Variants in DNAL1 observed in about 807,000 individuals in gnomAD.
DNAL1 encodes the protein dynein axonemal light chain 1.
Under a neutral mutation model 29.4 loss-of-function variants are expected in DNAL1, and 17 were observed. The observed-to-expected ratio is 0.58, with a 90% CI of 0.40 to 0.87. The LOEUF (loss-of-function observed/expected upper bound fraction) is 0.87, where lower values mean the gene tolerates loss of function less well. DNAL1 is among the 40% of genes least tolerant of loss of function. The pLI, the probability that DNAL1 is intolerant of heterozygous loss-of-function variation, is 0.00. For synonymous variants in DNAL1, 78 were observed against 76.3 expected (o/e 1.02, Z -0.12); for missense variants, 188 against 214.1 (o/e 0.88, Z 0.76).
At chr14:73,684,884 ACTCTGT>A (rs1186684671) in intron 5 of DNAL1, among the ~76,000 whole-genome samples, 1 of 151,982 alleles carries the variant, frequency 6.6e-6, no homozygotes, top group Admixed American at 6.6e-5. Context: ...ACAGATCGAG[ACTCTGT>A]CTCTAAACTA....
chr14:73,696,213 A>C lies in DNAL1; in HGVS notation c.*271A>C. 3.8e-6 allele frequency: 1 copy of C among 260,024 alleles called. No individual in the cohort carries two copies. Among genetic ancestry groups the C allele is most frequent in the Non-Finnish European group, 7.2e-6 (1 of 138,370 alleles). The allele number at this position is 260,024 out of a possible 1,614,324, so 16.1% of individuals were successfully genotyped here. On this transcript the variant is annotated 3_prime_UTR_variant, in exon 8 of 8. Coordinates refer to ENST00000553645, the MANE Select transcript of DNAL1 (RefSeq NM_031427.4). ...TCTCAGTTACGTACTGTGTAGCCCCATCTACTAAAACAAAACCTTTGTAGA... is the reference window on the plus strand; with the variant it reads ...TCTCAGTTACGTACTGTGTAGCCCCCTCTACTAAAACAAAACCTTTGTAGA...
intron 4 of DNAL1, among the ~76,000 whole-genome samples, chr14:73,662,312 C>G (rs1891374533): frequency 6.6e-6 from 1 of 152,088 alleles, no homozygotes; most frequent in Admixed American, 6.6e-5. Context: ...TTGTGTATTT[C>G]TTTGTTCAGA....
At chr14:73,671,214 A>G (rs1891609552) in intron 4 of DNAL1, among the ~76,000 whole-genome samples, 1 of 152,172 alleles carries the variant, frequency 6.6e-6, no homozygotes. Context: ...TTTGAAATAT[A>G]TATGCTCCCA....
chr14:73,681,800 A>G lies in DNAL1; in HGVS notation c.265-5459A>G, dbSNP rs867265716. ...ACAGAGCAAGACGCTGCCTCTAAAT[A>G]AATGAATAAATAAATAAAAATAATA... On this transcript the variant is annotated intron_variant, in intron 5 of 7. Coordinates refer to ENST00000553645, the MANE Select transcript of DNAL1 (RefSeq NM_031427.4). Among the ~76,000 whole-genome samples the G allele has an allele frequency of 6.4e-4, 97 of 150,724 alleles. 1 individual carries two copies. In the Middle Eastern group the frequency reaches 0.011, roughly 16 times the overall value.
At chr14:73,649,071 G>C (rs1249756202) in intron 1 of DNAL1, among the ~76,000 whole-genome samples, 2 of 151,870 alleles carry the variant, frequency 1.3e-5, no homozygotes, top group Admixed American at 6.6e-5. Context: ...CACCACCTGG[G>C]TTCAAGCAAT....
chr14:73,688,852 G>A (rs1487067386), intron 6 of DNAL1, among the ~76,000 whole-genome samples: 1 of 151,906 alleles, frequency 6.6e-6, no homozygotes, highest in African/African-American at 2.4e-5. Context: ...AAAGTAGAGA[G>A]GTATGTCTTC....
In DNAL1 at chr14:73,687,341, A is replaced by T. The variant is rs751754576; in HGVS notation, c.347A>T (p.Lys116Ile). 4 of 1,611,862 alleles carry T rather than the reference A, an allele frequency of 2.5e-6. No homozygotes were observed. The highest frequency in any genetic ancestry group is 2.5e-6 in the Non-Finnish European group (3 of 1,179,052). The change falls in exon 6 of 8, where the codon AAA (lysine) becomes ATA (isoleucine). Residue 116 changes from lysine to isoleucine, a missense_variant. Physicochemically the swap from Lys to Ile is moderately radical, Grantham distance 102. Coordinates refer to ENST00000553645, the MANE Select transcript of DNAL1 (RefSeq NM_031427.4). ...EKLKGIHIMK[K>I]LKILYMSNNL... The stretch of plus-strand genomic sequence containing the variant: ...TTGAAAGGGATCCACATAATGAAGA[A>T]ATTGAAGATTCTCTACATGTCTAAT...
chr14:73,685,833 A>G (rs1312860265), intron 5 of DNAL1, among the ~76,000 whole-genome samples: 6 of 152,208 alleles, frequency 3.9e-5, no homozygotes, highest in Non-Finnish European at 7.4e-5. Flanking sequence ...CCGTTTGTCT[A>G]TCAGTGGACA....
At chr14:73,686,225 C>T (rs1254363013) in intron 5 of DNAL1, among the ~76,000 whole-genome samples, 1 of 152,144 alleles carries the variant, frequency 6.6e-6, no homozygotes, top group African/African-American at 2.4e-5. Context: ...TGTTTACATG[C>T]AGAAGCTGAC....
At chr14:73,654,283 A>G (rs1452600644) in intron 1 of DNAL1, among the ~76,000 whole-genome samples, 1 of 152,228 alleles carries the variant, frequency 6.6e-6, no homozygotes, top group African/African-American at 2.4e-5. Flanking sequence ...GTGGGAGGGA[A>G]GTGTATGGGT....
At chr14:73,659,622 A>G (rs1446888688) in intron 3 of DNAL1, 4 of 152,176 alleles carry the variant, frequency 2.6e-5, no homozygotes, top group Non-Finnish European at 2.9e-5. Context: ...ATGCTAATCT[A>G]TCGTTCCAGT....
At chr14:73,645,170 T>G in intron 1 of DNAL1, 128 bp downstream of exon 1, 4 of 1,505,304 alleles carry the variant, frequency 2.7e-6, no homozygotes, top group East Asian at 2.5e-5. Context: ...ACGCTAGCTC[T>G]GTGGAGTCAG....
chr14:73,692,976 C>T (rs1892210772), intron 7 of DNAL1, among the ~76,000 whole-genome samples: 1 of 151,986 alleles, frequency 6.6e-6, no homozygotes, highest in Non-Finnish European at 1.5e-5. Context: ...GCTGGGATTA[C>T]AGGCGTCCGC....
intron 2 of DNAL1, among the ~76,000 whole-genome samples, chr14:73,657,387 C>T (rs1333950330): frequency 6.6e-6 from 1 of 152,148 alleles, no homozygotes; most frequent in Non-Finnish European, 1.5e-5. Context: ...TGCTATGTTG[C>T]TCAGGCTGGT....
chr14:73,659,404 C>T (rs1003062558), intron 3 of DNAL1, among the ~76,000 whole-genome samples: 3 of 151,528 alleles, frequency 2.0e-5, no homozygotes, highest in Admixed American at 1.3e-4. Flanking sequence ...CATTGTGATC[C>T]GCCCACCTCG....
In DNAL1 at chr14:73,700,138, G is replaced by A. The variant is rs1388983728; in HGVS notation, c.*4196G>A. On this transcript the variant is annotated 3_prime_UTR_variant, in exon 8 of 8. Coordinates refer to ENST00000553645, the MANE Select transcript of DNAL1 (RefSeq NM_031427.4). ...AGGCCGTGGTGGGCAGATCACTTGA[G>A]GTCAGGAGTTCGAGGCCAGCCTGGC... is the stretch of plus-strand genomic sequence containing the variant. 1 of 152,242 alleles carries A rather than the reference G, an allele frequency of 6.6e-6. No individual in the cohort carries two copies. The allele number at this position is 152,242 out of a possible 1,614,324, so 9.4% of individuals were successfully genotyped here. A position where few individuals can be genotyped will look rare whatever the true frequency, so the allele number is the denominator to read the frequency against.
At chr14:73,675,215 C>T (rs1365241944) in intron 5 of DNAL1, among the ~76,000 whole-genome samples, 1 of 149,384 alleles carries the variant, frequency 6.7e-6, no homozygotes, top group Non-Finnish European at 1.5e-5. Context: ...CACACAAACA[C>T]ACACACACAC....
intron 5 of DNAL1, among the ~76,000 whole-genome samples, chr14:73,682,869 ATTTTTT>A (rs57815202): frequency 9.8e-6 from 1 of 101,838 alleles, no homozygotes; most frequent in Non-Finnish European, 1.9e-5. Context: ...TTTTATAGTT[ATTTTTT>A]TTTTTTTTTT....
chr14:73,680,019 C>T (rs2140051096), intron 5 of DNAL1, among the ~76,000 whole-genome samples: 1 of 151,782 alleles, frequency 6.6e-6, no homozygotes, highest in South Asian at 2.1e-4. Flanking sequence ...GTTGTTCTTT[C>T]TATAAATTTC....
Sources: allele counts gnomAD v4.1 joint callset (sites outside exome capture counted in the v4.1 genomes callset), GRCh38; gene constraint gnomAD v4.1.1; transcripts MANE v1.5; gene names NCBI Gene and HGNC (gene_info 2026-07-23, HGNC 2026-07-21).